The following SH3RF3 variants were observed in gnomAD, a reference collection of about 807,000 sequenced individuals.
The protein encoded by SH3RF3 is E3 ubiquitin-protein ligase SH3RF3.
SH3RF3 carries 29 observed loss-of-function variants against 66.3 expected under a neutral mutation model. That is an observed-to-expected ratio of 0.44 (90% confidence interval 0.33 to 0.60). SH3RF3 has a LOEUF of 0.60. Ranked by LOEUF, SH3RF3 falls within the 20% of genes least tolerant of loss-of-function variation. The probability of loss-of-function intolerance (pLI) is 0.04; values close to 1 mark genes in which losing one functional copy is unlikely to be tolerated. For synonymous variants in SH3RF3, 583 were observed against 532.0 expected, an observed-to-expected ratio of 1.10 and a Z score of -1.32; for missense variants, 1,194 against 1,190.9, an observed-to-expected ratio of 1.00 and a Z score of -0.04.
rs372805920 is a variant in SH3RF3 at position 109,449,295 on chromosome 2, C to T, written c.1954C>T (p.His652Tyr). 2 of 1,608,738 alleles carry T rather than the reference C, an allele frequency of 1.2e-6. No homozygotes were observed. Among genetic ancestry groups the T allele is most frequent in the African/African-American group, 2.7e-5 (2 of 74,934 alleles). Residue 652 changes from histidine to tyrosine, a missense_variant, in exon 8 of 10, where the codon CAC (histidine) becomes TAC (tyrosine). Physicochemically the swap from His to Tyr is moderately conservative, Grantham distance 83 (BLOSUM62 2). Transcript: ENST00000309415. Reference protein sequence around the residue: ...LRPHSVVSPQHSHQPPVQMCP... With the variant: ...LRPHSVVSPQYSHQPPVQMCP... ...GCCCCACTCGGTGGTGTCCCCGCAG[C>T]ACAGCCACCAGCCCCCGGTGCAGAT...
intron 1 of SH3RF3, among the ~76,000 whole-genome samples, chr2:109,235,339 G>T (rs1381145196): frequency 6.6e-6 from 1 of 152,104 alleles, no homozygotes; most frequent in Non-Finnish European, 1.5e-5. Flanking sequence ...CCACCCTAGG[G>T]ATCTCTAAGG....
In SH3RF3 at chr2:109,501,747, C is replaced by G; in HGVS notation, c.*76C>G. 3 of 678,304 alleles carry G rather than the reference C, an allele frequency of 4.4e-6. No individual in the cohort carries two copies. The highest frequency in any genetic ancestry group is 8.1e-6 in the Non-Finnish European group (3 of 368,846). 42.0% of individuals were successfully genotyped at this position (678,304 alleles called of 1,614,324 possible). A position where few individuals can be genotyped will look rare whatever the true frequency, so the allele number is the denominator to read the frequency against. On this transcript the variant is annotated 3_prime_UTR_variant, in exon 10 of 10. Transcript: ENST00000309415. Reference sequence around the variant, plus strand: ...GCTCCACGGCACACAGAGAGGGAGCCATGGCGCCCCAAGGGTTCCAGGTCA... The same window carrying G: ...GCTCCACGGCACACAGAGAGGGAGCGATGGCGCCCCAAGGGTTCCAGGTCA...
At chr2:109,443,763 A>G (rs1275103988) in intron 7 of SH3RF3, among the ~76,000 whole-genome samples, 1 of 152,252 alleles carries the variant, frequency 6.6e-6, no homozygotes, top group African/African-American at 2.4e-5. Context: ...ATATGGATAA[A>G]GGTACAAGGA....
At chr2:109,335,534 AT>A (rs1271957628) in intron 1 of SH3RF3, among the ~76,000 whole-genome samples, 1 of 151,666 alleles carries the variant, frequency 6.6e-6, no homozygotes, top group Non-Finnish European at 1.5e-5. Flanking sequence ...ACGTTCTAAG[AT>A]TTCACCCTAT....
intron 1 of SH3RF3, among the ~76,000 whole-genome samples, chr2:109,170,878 T>C (rs542978395): frequency 1.3e-5 from 2 of 152,292 alleles, no homozygotes; most frequent in Admixed American, 1.3e-4. Context: ...TTGCGTCACC[T>C]TCCTCTGTTC....
intron 1 of SH3RF3, among the ~76,000 whole-genome samples, chr2:109,306,523 C>G (rs983552847): frequency 6.6e-6 from 1 of 152,214 alleles, no homozygotes; most frequent in African/African-American, 2.4e-5. Context: ...TGTACATCTC[C>G]GACCTGCCCT....
chr2:109,389,473 TC>T (rs1177631671), intron 3 of SH3RF3, among the ~76,000 whole-genome samples: 1 of 152,176 alleles, frequency 6.6e-6, no homozygotes, highest in African/African-American at 2.4e-5. Context: ...TGAAGCTACT[TC>T]CATACCACAT....
chr2:109,145,464 T>C (rs1374594425), intron 1 of SH3RF3, among the ~76,000 whole-genome samples: 1 of 152,182 alleles, frequency 6.6e-6, no homozygotes, highest in Non-Finnish European at 1.5e-5. Context: ...TTGGTCTGTC[T>C]GTCCGTGAGG....
At chr2:109,367,965 G>A (rs1032657423) in intron 2 of SH3RF3, among the ~76,000 whole-genome samples, 3 of 152,208 alleles carry the variant, frequency 2.0e-5, no homozygotes, top group African/African-American at 7.2e-5. Flanking sequence ...TGTGAGTTGG[G>A]TTTATGTTTC....
At position 109,306,035 on chromosome 2, in the gene SH3RF3, C is replaced by T. The variant is rs539618078; in HGVS notation, c.574-41639C>T. On this transcript the variant is annotated intron_variant, in intron 1 of 9. Transcript: ENST00000309415. The stretch of plus-strand genomic sequence containing the variant: ...GGTGACTTCAGGAGTGATTCGCTGC[C>T]TTCTGCTGGGCTCTTACTGGCAGCG... Among the ~76,000 whole-genome samples, 56 of 152,324 alleles carry T rather than the reference C, an allele frequency of 3.7e-4. No homozygotes were observed. The South Asian group carries it at 0.011, about 30-fold the overall frequency.
At chr2:109,355,495 C>T (rs1440784861) in intron 2 of SH3RF3, among the ~76,000 whole-genome samples, 1 of 152,202 alleles carries the variant, frequency 6.6e-6, no homozygotes, top group Non-Finnish European at 1.5e-5. Context: ...TGTCATGCTA[C>T]AATGGAGGGT....
chr2:109,391,296 G>T (rs1161743381), intron 3 of SH3RF3, among the ~76,000 whole-genome samples: 3 of 152,218 alleles, frequency 2.0e-5, no homozygotes, highest in African/African-American at 4.8e-5. Flanking sequence ...AGCCTGACCT[G>T]TATGCTTCAG....
At chr2:109,133,916 T>C (rs1574467072) in intron 1 of SH3RF3, among the ~76,000 whole-genome samples, 1 of 152,024 alleles carries the variant, frequency 6.6e-6, no homozygotes, top group African/African-American at 2.4e-5. Flanking sequence ...CTCTGGTGGG[T>C]GTGGGTGACT....
chr2:109,470,195 T>A (rs558435732), intron 8 of SH3RF3, among the ~76,000 whole-genome samples: 1 of 152,284 alleles, frequency 6.6e-6, no homozygotes, highest in Non-Finnish European at 1.5e-5. Context: ...TCCTGGGACC[T>A]CACTACGTAA....
intron 3 of SH3RF3, among the ~76,000 whole-genome samples, chr2:109,381,729 A>G (rs140820726): frequency 1.3e-5 from 2 of 152,276 alleles, no homozygotes; most frequent in East Asian, 1.9e-4. Context: ...CAAGCCAGGA[A>G]TAGATAGTCT....
intron 3 of SH3RF3, among the ~76,000 whole-genome samples, chr2:109,382,760 G>A (rs1204914196): frequency 6.6e-6 from 1 of 152,238 alleles, no homozygotes; most frequent in Admixed American, 6.5e-5. Flanking sequence ...AGGGCCCGCA[G>A]CTGATGAGCA....
chr2:109,302,772 C>T (rs1402826227), intron 1 of SH3RF3, among the ~76,000 whole-genome samples: 4 of 152,140 alleles, frequency 2.6e-5, no homozygotes, highest in Admixed American at 6.5e-5. Context: ...ACCTGCCTCT[C>T]GGAGGCTGAA....
chr2:109,473,871 C>T (rs1248881065), intron 8 of SH3RF3, among the ~76,000 whole-genome samples: 1 of 152,200 alleles, frequency 6.6e-6, no homozygotes, highest in African/African-American at 2.4e-5. Context: ...CCTTGTGCCC[C>T]TGAACCGCTC....
intron 1 of SH3RF3, among the ~76,000 whole-genome samples, chr2:109,140,999 A>G (rs1326763896): frequency 6.6e-6 from 1 of 152,078 alleles, no homozygotes; most frequent in Admixed American, 6.5e-5. Flanking sequence ...CATCCTGACA[A>G]CCAGACTCCT....
Sources: gnomAD v4.1 joint callset for allele counts (sites outside exome capture counted in the v4.1 genomes callset) on GRCh38, gnomAD v4.1.1 for gene constraint, MANE v1.5 for transcripts, NCBI Gene and HGNC (gene_info 2026-07-23, HGNC 2026-07-21) for gene names.